ARID1B: variants seen among roughly 807,000 people sequenced by gnomAD.
The protein encoded by ARID1B is AT-rich interaction domain 1B.
In ARID1B, 30 loss-of-function variants were observed where a neutral mutation model predicts 212.3. The observed-to-expected ratio is 0.14, with a 90% CI of 0.11 to 0.19. ARID1B has a LOEUF of 0.19. Among genes scored for constraint, ARID1B ranks in the 10% least tolerant of loss-of-function variants. The pLI, the probability that ARID1B is intolerant of heterozygous loss-of-function variation, is 1.00. For missense variants in ARID1B, 2,891 were observed against 3,204.0 expected, an observed-to-expected ratio of 0.90 and a Z score of 2.36; for synonymous variants, 1,402 against 1,301.7, an observed-to-expected ratio of 1.08 and a Z score of -1.66.
intron 2 of ARID1B, among the ~76,000 whole-genome samples, chr6:156,867,375 T>C (rs574581524): frequency 2.0e-5 from 3 of 152,220 alleles, no homozygotes; most frequent in South Asian, 4.1e-4. Flanking sequence ...CCAGGCTGAG[T>C]GCCGGAATCC....
intron 2 of ARID1B, among the ~76,000 whole-genome samples, chr6:156,864,709 T>C (rs1785560986): frequency 6.6e-6 from 1 of 152,188 alleles, no homozygotes; most frequent in Non-Finnish European, 1.5e-5. Context: ...TGTCTGTTGC[T>C]GTCCCCGCTG....
At position 156,957,975 on chromosome 6, in the gene ARID1B, G is replaced by A. The variant is rs188367812; in HGVS notation, c.2247+22399G>A. On this transcript the variant is annotated intron_variant, in intron 4 of 19. Coordinates refer to ENST00000636930, the MANE Select transcript of ARID1B (RefSeq NM_001374828.1). The stretch of plus-strand genomic sequence containing the variant: ...TAGACTTAATTCATTCACTTTTTTA[G>A]TGCTCTACATGTTTAGAATTTTCAT... Among the ~76,000 whole-genome samples, 3 of 152,242 alleles carry A rather than the reference G, an allele frequency of 2.0e-5. No individual in the cohort carries two copies. The East Asian group carries it at 5.8e-4, about 29-fold the overall frequency.
intron 4 of ARID1B, among the ~76,000 whole-genome samples, chr6:157,038,936 C>G (rs779898287): frequency 6.6e-6 from 1 of 151,972 alleles, no homozygotes; most frequent in Non-Finnish European, 1.5e-5. Context: ...CTGGGTCTCA[C>G]TCTGTTGCCC....
rs1306519925 is a variant in ARID1B at position 156,778,907 on chromosome 6, A to G, written c.1227A>G (p.Gly409=). ...GGGGSGGGGG[G]GGAGAGGAGA... Reference sequence around the variant, plus strand: ...GAGGCAGCGGAGGAGGAGGAGGAGGAGGAGGAGCAGGAGCAGGAGGAGCAG... The same window carrying G: ...GAGGCAGCGGAGGAGGAGGAGGAGGGGGAGGAGCAGGAGCAGGAGGAGCAG... Residue 409 remains glycine (G), a synonymous_variant, in exon 1 of 20, where the codon GGA becomes GGG. Coordinates refer to ENST00000636930, the MANE Select transcript of ARID1B (RefSeq NM_001374828.1). 7.4e-7 allele frequency: 1 copy of G among 1,344,440 alleles called. No individual in the cohort carries two copies. The highest frequency in any genetic ancestry group is 9.5e-7 in the Non-Finnish European group (1 of 1,053,794). The allele number at this position is 1,344,440 out of a possible 1,614,324, so 83.3% of individuals were successfully genotyped here.
intron 4 of ARID1B, among the ~76,000 whole-genome samples, chr6:157,006,928 C>T (rs1285915296): frequency 1.3e-5 from 2 of 152,214 alleles, no homozygotes; most frequent in African/African-American, 2.4e-5. Flanking sequence ...AGAAAAAATG[C>T]TGTGTATTCT....
At chr6:157,198,729 G>A (rs1186994782) in intron 16 of ARID1B, 82 bp from the exon 17 acceptor site, 2 of 1,218,346 alleles carry the variant, frequency 1.6e-6, no homozygotes, top group Non-Finnish European at 1.2e-6. Flanking sequence ...GAGGGAGTCA[G>A]GGTTCCAGAA....
intron 4 of ARID1B, among the ~76,000 whole-genome samples, chr6:156,954,406 C>T (rs955297713): frequency 1.3e-5 from 2 of 152,016 alleles, no homozygotes; most frequent in Non-Finnish European, 2.9e-5. Context: ...CATAGTCAGC[C>T]TGTGTGGAAT....
chr6:156,901,031 G>A (rs1008894929), intron 2 of ARID1B, among the ~76,000 whole-genome samples: 3 of 152,282 alleles, frequency 2.0e-5, no homozygotes, highest in Middle Eastern at 6.8e-3. Flanking sequence ...TTTCACTGTT[G>A]TGTGGGAATG....
intron 9 of ARID1B, among the ~76,000 whole-genome samples, chr6:157,171,838 A>C (rs538770800): frequency 1.5e-4 from 23 of 152,372 alleles, no homozygotes; most frequent in Non-Finnish European, 2.8e-4. Context: ...CATAATACAT[A>C]TTGGCCTAGT....
intron 4 of ARID1B, among the ~76,000 whole-genome samples, chr6:157,073,083 T>C (rs2207229): frequency 0.79 from 119,473 of 150,872 alleles, 48,177 homozygotes; most frequent in African/African-American, 0.95. Flanking sequence ...TTTATGCCAC[T>C]AGTATTTATT....
At chr6:156,970,940 T>A (rs540437541) in intron 4 of ARID1B, among the ~76,000 whole-genome samples, 1 of 152,354 alleles carries the variant, frequency 6.6e-6, no homozygotes, top group South Asian at 2.1e-4. Context: ...TGATCTTCTT[T>A]GGGTCCTATT....
intron 2 of ARID1B, among the ~76,000 whole-genome samples, chr6:156,866,777 A>G (rs575146308): frequency 6.6e-6 from 1 of 152,244 alleles, no homozygotes; most frequent in Non-Finnish European, 1.5e-5. Flanking sequence ...TGTCTAATAC[A>G]TAAACAGAAT....
chr6:157,047,486 G>A (rs943762934), intron 4 of ARID1B, among the ~76,000 whole-genome samples: 3 of 152,120 alleles, frequency 2.0e-5, no homozygotes, highest in African/African-American at 7.2e-5. Context: ...TGACAGCATC[G>A]CGGCTGTCCC....
chr6:156,966,585 G>A (rs1030410496), intron 4 of ARID1B, among the ~76,000 whole-genome samples: 2 of 151,832 alleles, frequency 1.3e-5, no homozygotes, highest in South Asian at 2.1e-4. Flanking sequence ...AATAGAGATC[G>A]GGTTTCTTCA....
At chr6:156,856,114 T>C (rs191081767) in intron 2 of ARID1B, among the ~76,000 whole-genome samples, 2 of 152,280 alleles carry the variant, frequency 1.3e-5, no homozygotes, top group East Asian at 3.9e-4. Context: ...TGTTCCTAGA[T>C]ATTGAGGTCT....
Position 157,127,799 on chromosome 6 carries a change from A to C in ARID1B, c.2582-5229A>C, listed in dbSNP as rs1226979750. On this transcript the variant is annotated intron_variant, in intron 6 of 19. Coordinates refer to ENST00000636930, the MANE Select transcript of ARID1B (RefSeq NM_001374828.1). ...ACTCTGTCTCAAAAAAAAAAAAAAAAAAAAAAACAAAAATTAGCCAGGCAT... is the reference window on the plus strand; with the variant it reads ...ACTCTGTCTCAAAAAAAAAAAAAAACAAAAAAACAAAAATTAGCCAGGCAT... Among the ~76,000 whole-genome samples the C allele has an allele frequency of 6.7e-4, 101 of 149,688 alleles. 1 individual carries two copies. The South Asian group carries it at 0.012, about 18-fold the overall frequency.
intron 8 of ARID1B, among the ~76,000 whole-genome samples, chr6:157,163,135 T>A (rs1424960956): frequency 6.6e-6 from 1 of 152,182 alleles, no homozygotes; most frequent in Non-Finnish European, 1.5e-5. Flanking sequence ...ACACTCCTAA[T>A]TCATTTGGAG....
At chr6:157,057,573 G>A (rs1238128107) in intron 4 of ARID1B, among the ~76,000 whole-genome samples, 3 of 152,116 alleles carry the variant, frequency 2.0e-5, no homozygotes, top group African/African-American at 7.2e-5. Flanking sequence ...GCAAGTGTGA[G>A]CCACCATGCT....
intron 5 of ARID1B, among the ~76,000 whole-genome samples, chr6:157,090,714 G>A (rs112654316): frequency 2.6e-5 from 4 of 152,306 alleles, no homozygotes; most frequent in Non-Finnish European, 5.9e-5. Context: ...CTGCCACCTG[G>A]CCTCTCGGCA....
Sources: gnomAD v4.1 joint callset for allele counts (sites outside exome capture counted in the v4.1 genomes callset) on GRCh38, gnomAD v4.1.1 for gene constraint, MANE v1.5 for transcripts, NCBI Gene and HGNC (gene_info 2026-07-23, HGNC 2026-07-21) for gene names.